The following SUN1 variants were observed in gnomAD, a reference collection of about 807,000 sequenced individuals.
SUN1 encodes the protein SUN domain-containing protein 1.
In SUN1, 61 loss-of-function variants were observed where a neutral mutation model predicts 103.2. The observed-to-expected ratio is 0.59, with a 90% CI of 0.48 to 0.73. The LOEUF is 0.73. Ranked by LOEUF, SUN1 falls within the 30% of genes least tolerant of loss-of-function variation. SUN1 has a pLI of 0.00. For synonymous variants in SUN1, 490 were observed against 425.7 expected (o/e 1.15, Z -1.86); for missense variants, 1,052 against 1,034.6 (o/e 1.02, Z -0.23).
chr7:819,151 C>T (rs911429434), intron 1 of SUN1, among the ~76,000 whole-genome samples: 5 of 151,732 alleles, frequency 3.3e-5, no homozygotes, highest in African/African-American at 1.2e-4. Flanking sequence ...GTGTGAGCCA[C>T]CGTGCCTGGC....
chr7:823,903 C>T (rs1035463161), intron 1 of SUN1, among the ~76,000 whole-genome samples: 33 of 152,208 alleles, frequency 2.2e-4, no homozygotes, highest in Non-Finnish European at 1.2e-4. Context: ...GGAAATAAAA[C>T]GATGCCTGTG....
chr7:843,671 C>T, intron 5 of SUN1, 151 bp downstream of exon 5: 2 of 1,491,584 alleles, frequency 1.3e-6, no homozygotes, highest in Non-Finnish European at 1.8e-6. Context: ...CAGCTTTGTC[C>T]TTCCTGTCCT....
rs367913673 is a variant in SUN1, at chr7:843,337, T to G, written c.479-4T>G. 18 of 1,604,152 alleles carry G rather than the reference T, an allele frequency of 1.1e-5. No homozygotes were observed. Among genetic ancestry groups the G allele is most frequent in the African/African-American group, 1.3e-5 (1 of 74,340 alleles). On this transcript the variant is annotated splice_polypyrimidine_tract_variant and splice_region_variant and intron_variant, in intron 4 of 18. Coordinates refer to ENST00000401592, the MANE Select transcript of SUN1 (RefSeq NM_001130965.3). ...AGGTTCCATCTACTGTTTGAAAACT[T>G]TAGGTGGAAATAAAGCTGCCATTCA...
intron 11 of SUN1, 148 bp downstream of exon 11, chr7:855,154 G>A: frequency 1.5e-6 from 1 of 653,598 alleles, no homozygotes; most frequent in Non-Finnish European, 2.6e-6. Flanking sequence ...CTTGTTCTCT[G>A]GTGTGGCAGC....
intron 2 of SUN1, among the ~76,000 whole-genome samples, chr7:841,498 T>A (rs2128293553): frequency 6.6e-6 from 1 of 152,266 alleles, no homozygotes; most frequent in South Asian, 2.1e-4. Flanking sequence ...CATTTCGGCC[T>A]CCCAAAGTAC....
At chr7:841,570 A>G (rs1393392873) in intron 2 of SUN1, among the ~76,000 whole-genome samples, 1 of 152,172 alleles carries the variant, frequency 6.6e-6, no homozygotes, top group Non-Finnish European at 1.5e-5. Context: ...TGTACTTAAC[A>G]CAATTCCATC....
At chr7:835,505 A>G (rs192687452) in intron 1 of SUN1, among the ~76,000 whole-genome samples, 1 of 152,162 alleles carries the variant, frequency 6.6e-6, no homozygotes, top group Non-Finnish European at 1.5e-5. Flanking sequence ...TTTTTTTTTA[A>G]ATTAGCCTAA....
At chr7:848,224 G>C (rs1033034865) in intron 5 of SUN1, among the ~76,000 whole-genome samples, 3 of 152,080 alleles carry the variant, frequency 2.0e-5, no homozygotes, top group Non-Finnish European at 4.4e-5. Flanking sequence ...CAGTCTTCGG[G>C]GTACCCTGGG....
In SUN1 at chr7:832,538, G is replaced by A. The variant is rs370947011; in HGVS notation, c.14G>A (p.Arg5Gln). The change falls in exon 1 of 19, where the codon CGG (arginine) becomes CAG (glutamine). Residue 5 changes from arginine to glutamine, a missense_variant. Transcript: ENST00000401592. MDFS[R>Q]LHMYSPPQCV... Reference sequence around the variant, plus strand: ...GAAGTGGTGAACATGGATTTTTCTCGGCTTCACATGTACAGTCCTCCCCAG... The same window carrying A: ...GAAGTGGTGAACATGGATTTTTCTCAGCTTCACATGTACAGTCCTCCCCAG... 12 of 1,613,282 alleles carry A rather than the reference G, an allele frequency of 7.4e-6. No homozygotes were observed. Among genetic ancestry groups the A allele is most frequent in the South Asian group, 3.3e-5 (3 of 90,878 alleles).
chr7:836,043 G>A (rs1802750029), intron 1 of SUN1, among the ~76,000 whole-genome samples: 1 of 152,260 alleles, frequency 6.6e-6, no homozygotes, highest in African/African-American at 2.4e-5. Context: ...CCGCTTCAGA[G>A]CCTCCACGGG....
upstream of SUN1, among the ~76,000 whole-genome samples, chr7:829,698 G>A (rs1796175446): frequency 1.3e-5 from 2 of 152,022 alleles, no homozygotes; most frequent in African/African-American, 4.8e-5. Flanking sequence ...GGGACTACAG[G>A]CGCCCGCCAC....
chr7:820,521 TAA>T (rs1164510281), intron 1 of SUN1, among the ~76,000 whole-genome samples: 1 of 152,234 alleles, frequency 6.6e-6, no homozygotes. Flanking sequence ...CATCTGAGAA[TAA>T]AGATAGTTTG....
intron 17 of SUN1, among the ~76,000 whole-genome samples, chr7:872,016 C>T (rs551998980): frequency 3.3e-5 from 5 of 152,258 alleles, no homozygotes; most frequent in African/African-American, 1.2e-4. Context: ...CAGCTTAGGC[C>T]GGCACTCGCT....
At chr7:869,317 A>G (rs1428513815) in intron 16 of SUN1, 32 bp from the exon 17 acceptor site, 1 of 1,605,534 alleles carries the variant, frequency 6.2e-7, no homozygotes, top group East Asian at 2.2e-5. Flanking sequence ...GCATGCTCAC[A>G]CTCTGAGTCC....
At chr7:826,068 G>A (rs1791518497) in intron 1 of SUN1, among the ~76,000 whole-genome samples, 1 of 152,052 alleles carries the variant, frequency 6.6e-6, no homozygotes, top group Non-Finnish European at 1.5e-5. Context: ...GGGAGACCCT[G>A]TCTCTAAGAA....
At chr7:867,822 G>A (rs1413148610) in intron 16 of SUN1, among the ~76,000 whole-genome samples, 2 of 152,224 alleles carry the variant, frequency 1.3e-5, no homozygotes, top group African/African-American at 4.8e-5. Context: ...GTGTGGCCCA[G>A]CTCACTGAAC....
chr7:843,246 TC>T lies in SUN1; in HGVS notation c.478+16del. On this transcript the variant is annotated intron_variant, in intron 4 of 18. Transcript: ENST00000401592. ...GTGATCTTAAAGGTAATTATTTTAG[TC>T]CTTTTATCTTCATATACTTTTCAAA... The T allele has an allele frequency of 6.2e-7, 1 of 1,609,270 alleles. No homozygotes were observed. The highest frequency in any genetic ancestry group is 1.7e-5 in the Admixed American group (1 of 59,514).
Position 852,589 on chromosome 7 carries a change from G to T in SUN1, c.852-20G>T. On this transcript the variant is annotated intron_variant, in intron 7 of 18. Transcript: ENST00000401592. Reference sequence around the variant, plus strand: ...GACTTTCATTTTTTCTAAGTCAAAGGTTTTCATTGTTACTCCCAGGTGCCT... The same window carrying T: ...GACTTTCATTTTTTCTAAGTCAAAGTTTTTCATTGTTACTCCCAGGTGCCT... 3.7e-6 allele frequency: 6 copies of T among 1,614,130 alleles called. No homozygotes were observed. The highest frequency in any genetic ancestry group is 5.1e-6 in the Non-Finnish European group (6 of 1,179,996).
At chr7:850,804 CAG>C (rs900539936) in intron 5 of SUN1, 6 of 140,204 alleles carry the variant, frequency 4.3e-5, no homozygotes, top group African/African-American at 1.3e-4. Context: ...TGGAACAAAA[CAG>C]ATTTCATGAG....
Sources: allele counts gnomAD v4.1 joint callset (sites outside exome capture counted in the v4.1 genomes callset), GRCh38; gene constraint gnomAD v4.1.1; transcripts MANE v1.5; gene names NCBI Gene and HGNC (gene_info 2026-07-23, HGNC 2026-07-21).